STON1: variants seen among roughly 807,000 people sequenced by gnomAD.
STON1 encodes stonin-1.
Under a neutral mutation model 60.9 loss-of-function variants are expected in STON1, and 79 were observed. That is an observed-to-expected ratio of 1.30 (90% CI 1.08 to 1.56). The LOEUF is 1.56. Ranked by LOEUF, STON1 falls within the 40% of genes most tolerant of loss-of-function variation. The probability of loss-of-function intolerance (pLI) is 0.00; values close to 1 mark genes in which losing one functional copy is unlikely to be tolerated. For synonymous variants in STON1, 363 were observed against 306.9 expected (o/e 1.18, Z -1.91); for missense variants, 1,166 against 858.9 (o/e 1.36, Z -4.47).
At position 48,530,375 on chromosome 2, in the gene STON1, C is replaced by T; in HGVS notation, c.-48+159C>T. ...CCCCATCTCCCCGCGCCCGCCCTGG[C>T]CGCCCCCAGGGGCGCCCTGGGGCCC... On this transcript the variant is annotated intron_variant, in intron 1 of 3. Transcript: ENST00000404752. 3 of 252,278 alleles carry T rather than the reference C, an allele frequency of 1.2e-5. No homozygotes were observed. The South Asian group carries it at 1.2e-4, about 10-fold the overall frequency. 15.6% of individuals were successfully genotyped at this position (252,278 alleles called of 1,614,324 possible).
intron 2 of STON1, among the ~76,000 whole-genome samples, chr2:48,585,622 T>G (rs1259452551): frequency 6.6e-6 from 1 of 152,248 alleles, no homozygotes; most frequent in African/African-American, 2.4e-5. Context: ...AAACCAGTTT[T>G]AAGGTCTTCA....
intron 1 of STON1, among the ~76,000 whole-genome samples, chr2:48,560,426 C>T (rs953989938): frequency 1.3e-5 from 2 of 152,196 alleles, no homozygotes; most frequent in South Asian, 2.1e-4. Context: ...TGCCCTTTCT[C>T]ATTTGTCTTT....
rs1272289551 is a variant in STON1 at position 48,554,789 on chromosome 2, G to T, written c.-48+24573G>T. On this transcript the variant is annotated intron_variant, in intron 1 of 3. Coordinates refer to ENST00000404752, the MANE Select transcript of STON1 (RefSeq NM_006873.4). Reference sequence around the variant, plus strand: ...TTTCTCACAGAGGGGGATTTGGCAGGGTCATGGGACAATAGTGGAGGGAAG... The same window carrying T: ...TTTCTCACAGAGGGGGATTTGGCAGTGTCATGGGACAATAGTGGAGGGAAG... 6.4e-5 allele frequency among the ~76,000 whole-genome samples: 4 copies of T among 62,142 alleles called. 1 individual carries two copies. The highest frequency in any genetic ancestry group is 6.3e-4 in the Admixed American group (4 of 6,368). The allele number at this position is 62,142 out of a possible 152,430, so 40.8% of individuals were successfully genotyped here. A position where few individuals can be genotyped will look rare whatever the true frequency, so the allele number is the denominator to read the frequency against.
intron 1 of STON1, among the ~76,000 whole-genome samples, chr2:48,579,818 C>G (rs1267622724): frequency 6.6e-6 from 1 of 152,186 alleles, no homozygotes; most frequent in East Asian, 1.9e-4. Context: ...GTGTTGAAAT[C>G]TCCAATTATT....
At chr2:48,583,001 T>C (rs1673988389) in intron 2 of STON1, among the ~76,000 whole-genome samples, 1 of 152,274 alleles carries the variant, frequency 6.6e-6, no homozygotes, top group Admixed American at 6.5e-5. Flanking sequence ...TCCTTAGGTT[T>C]GCTCCCTGCT....
Position 48,582,413 on chromosome 2 carries a change from A to G in STON1, c.1780A>G (p.Lys594Glu). Residue 594 changes from lysine to glutamate, a missense_variant, in exon 2 of 4, where the codon AAA (lysine) becomes GAA (glutamate). By Grantham distance (56) the Lys-to-Glu change is moderately conservative. Coordinates refer to ENST00000404752, the MANE Select transcript of STON1 (RefSeq NM_006873.4). ...TMNLQRQKSL[K>E]AKMNRRACLG... is the part of the protein sequence containing the mutation. ...GAACCTCCAGAGGCAGAAGTCTCTG[A>G]AAGCTAAAATGAACCGCCGAGCATG... 1 of 1,614,200 alleles carries G rather than the reference A, an allele frequency of 6.2e-7. No individual in the cohort carries two copies. The highest frequency in any genetic ancestry group is 8.5e-7 in the Non-Finnish European group (1 of 1,180,034).
chr2:48,551,937 A>G (rs550748002), intron 1 of STON1, among the ~76,000 whole-genome samples: 1 of 152,346 alleles, frequency 6.6e-6, no homozygotes, highest in Admixed American at 6.5e-5. Flanking sequence ...GTCAGTCACC[A>G]ACTTCACCTA....
At position 48,580,575 on chromosome 2, in the gene STON1, T is replaced by C; in HGVS notation, c.-47-12T>C. The stretch of plus-strand genomic sequence containing the variant: ...ATATACCTATTTTCTCTTTATTTTA[T>C]TTTTTTAACAGAGTCAACCTATTTG... On this transcript the variant is annotated splice_polypyrimidine_tract_variant and intron_variant, in intron 1 of 3. Coordinates refer to ENST00000404752, the MANE Select transcript of STON1 (RefSeq NM_006873.4). 1 of 1,320,044 alleles carries C rather than the reference T, an allele frequency of 7.6e-7. No individual in the cohort carries two copies. Among genetic ancestry groups the C allele is most frequent in the Non-Finnish European group, 9.7e-7 (1 of 1,026,414 alleles). The allele number at this position is 1,320,044 out of a possible 1,614,324, so 81.8% of individuals were successfully genotyped here.
intron 2 of STON1, among the ~76,000 whole-genome samples, chr2:48,584,124 A>C (rs1156612110): frequency 6.6e-6 from 1 of 152,148 alleles, no homozygotes; most frequent in East Asian, 1.9e-4. Flanking sequence ...AGATAAATAA[A>C]AATCTGATCC....
At chr2:48,537,862 AG>A (rs1671492424) in intron 1 of STON1, among the ~76,000 whole-genome samples, 3 of 151,594 alleles carry the variant, frequency 2.0e-5, no homozygotes, top group African/African-American at 7.2e-5. Context: ...AAAAAAAAAA[AG>A]AAAAAAAAAG....
intron 1 of STON1, among the ~76,000 whole-genome samples, chr2:48,532,180 T>C (rs1359208485): frequency 6.6e-6 from 1 of 151,968 alleles, no homozygotes; most frequent in African/African-American, 2.4e-5. Context: ...AAACCCCGTC[T>C]CTATTAAAAA....
chr2:48,591,269 T>A (rs1674496380), intron 2 of STON1, among the ~76,000 whole-genome samples: 1 of 149,748 alleles, frequency 6.7e-6, no homozygotes, highest in South Asian at 2.1e-4. Flanking sequence ...AGTAATTATA[T>A]TGTTATATAC....
intron 1 of STON1, among the ~76,000 whole-genome samples, chr2:48,574,562 C>G (rs931468244): frequency 6.6e-6 from 1 of 152,180 alleles, no homozygotes; most frequent in East Asian, 1.9e-4. Flanking sequence ...CTACCTCTTA[C>G]TGGCTGGGCG....
At chr2:48,578,828 T>G (rs1673700968) in intron 1 of STON1, among the ~76,000 whole-genome samples, 1 of 151,888 alleles carries the variant, frequency 6.6e-6, no homozygotes, top group African/African-American at 2.4e-5. Flanking sequence ...TGACCTCAAG[T>G]GATCTACCCA....
intron 1 of STON1, among the ~76,000 whole-genome samples, chr2:48,580,321 T>A (rs1673800978): frequency 6.6e-6 from 1 of 152,236 alleles, no homozygotes; most frequent in Non-Finnish European, 1.5e-5. Context: ...TTTATTTTGC[T>A]TAAGCATGGC....
intron 1 of STON1, among the ~76,000 whole-genome samples, chr2:48,543,433 C>A (rs562094652): frequency 6.2e-4 from 94 of 152,126 alleles, no homozygotes; most frequent in African/African-American, 2.2e-3. Flanking sequence ...TACTTAAGAA[C>A]CATGTCCCTC....
chr2:48,532,704 A>C (rs1382144029), intron 1 of STON1, among the ~76,000 whole-genome samples: 1 of 152,194 alleles, frequency 6.6e-6, no homozygotes, highest in Non-Finnish European at 1.5e-5. Flanking sequence ...TCTGCCCAGC[A>C]GCCCGAGGAG....
At chr2:48,533,662 CA>C (rs57217272) in intron 1 of STON1, among the ~76,000 whole-genome samples, 3,574 of 56,298 alleles carry the variant, frequency 0.063, 45 homozygotes, top group African/African-American at 0.16. Context: ...AACTCCGTCT[CA>C]AAAAAAAAAA....
At position 48,580,822 on chromosome 2, in the gene STON1, C is replaced by A; in HGVS notation, c.189C>A (p.Ser63=). ...CCTCCACCAGCAGCACTCCTCTCTC[C>A]TCCCCCATTGTAGATTTTTATTTCA... ...GSSSTSSTPL[S]SPIVDFYFSP... is the part of the protein sequence containing the mutation. The change falls in exon 2 of 4, where the codon TCC becomes TCA. Residue 63 remains serine (S), a synonymous_variant. Coordinates refer to ENST00000404752, the MANE Select transcript of STON1 (RefSeq NM_006873.4). 1 of 1,549,920 alleles carries A rather than the reference C, an allele frequency of 6.5e-7. No homozygotes were observed. The highest frequency in any genetic ancestry group is 1.3e-5 in the South Asian group (1 of 78,492).
Sources: gnomAD v4.1 joint callset for allele counts (sites outside exome capture counted in the v4.1 genomes callset) on GRCh38, gnomAD v4.1.1 for gene constraint, MANE v1.5 for transcripts, NCBI Gene and HGNC (gene_info 2026-07-23, HGNC 2026-07-21) for gene names.